The following GRIA2 variants were observed in gnomAD, a reference collection of about 807,000 sequenced individuals.
The protein encoded by GRIA2 is glutamate receptor 2.
In GRIA2, 14 loss-of-function variants were observed where a neutral mutation model predicts 97.3. The ratio of observed to expected loss-of-function variants is 0.14; its 90% CI spans 0.10 to 0.23. GRIA2 has a LOEUF of 0.23. GRIA2 is among the 10% of genes least tolerant of loss of function. GRIA2 has a pLI of 1.00. For synonymous variants in GRIA2, 412 were observed against 387.8 expected, an observed-to-expected ratio of 1.06 and a Z score of -0.73; for missense variants, 558 against 1,069.8, an observed-to-expected ratio of 0.52 and a Z score of 6.67.
intron 11 of GRIA2, 109 bp from the exon 12 acceptor site, chr4:157,341,155 A>G (rs1735529947): frequency 2.7e-6 from 2 of 754,132 alleles, no homozygotes; most frequent in East Asian, 2.6e-5. Flanking sequence ...ATTGAAAAAT[A>G]TAAAATTAAA....
chr4:157,306,830 G>A (rs961261810), intron 3 of GRIA2, among the ~76,000 whole-genome samples: 9 of 152,040 alleles, frequency 5.9e-5, no homozygotes, highest in African/African-American at 1.2e-4. Context: ...CATTTGGTCC[G>A]AAATCATTTT....
intron 2 of GRIA2, among the ~76,000 whole-genome samples, chr4:157,302,364 A>G (rs947879689): frequency 6.6e-6 from 1 of 152,128 alleles, no homozygotes; most frequent in African/African-American, 2.4e-5. Context: ...GGAGAATTGA[A>G]TGGAAGGAAT....
intron 2 of GRIA2, among the ~76,000 whole-genome samples, chr4:157,264,030 AT>A (rs1484136681): frequency 6.6e-6 from 1 of 152,096 alleles, no homozygotes; most frequent in Non-Finnish European, 1.5e-5. Flanking sequence ...AGGAATCTAA[AT>A]GGTCCCAAAT....
chr4:157,277,882 G>GTATATATGTATATATATGTATATATGTA (rs1560743395), intron 2 of GRIA2, among the ~76,000 whole-genome samples: 1 of 140,996 alleles, frequency 7.1e-6, no homozygotes, highest in Non-Finnish European at 1.5e-5. Context: ...GTATATATAT[G>GTATATATGTATATATATGTATATATGTA]TATATATGTA....
In GRIA2 at chr4:157,364,316, G is replaced by A. The variant is rs1376757144; in HGVS notation, c.*885G>A. 1.3e-5 allele frequency: 2 copies of A among 152,276 alleles called. No homozygotes were observed. The highest frequency in any genetic ancestry group is 3.9e-4 in the East Asian group (2 of 5,168). The allele number at this position is 152,276 out of a possible 1,614,324, so 9.4% of individuals were successfully genotyped here. A position where few individuals can be genotyped will look rare whatever the true frequency, so the allele number is the denominator to read the frequency against. ...CAAGTGGTCCAATTAATTTTGCTTA[G>A]CTACAGTTTGGTCATAAATCAAGTG... On this transcript the variant is annotated 3_prime_UTR_variant, in exon 16 of 16. Coordinates refer to ENST00000264426, the MANE Select transcript of GRIA2 (RefSeq NM_001083619.3).
intron 3 of GRIA2, 144 bp downstream of exon 3, chr4:157,303,935 A>G: frequency 3.9e-6 from 3 of 761,968 alleles, no homozygotes; most frequent in South Asian, 1.8e-5. Context: ...GACTAATGCA[A>G]TTTAAAACCT....
intron 1 of GRIA2, 46 bp from the exon 2 acceptor site, chr4:157,221,621 C>G: frequency 6.3e-7 from 1 of 1,596,898 alleles, no homozygotes; most frequent in Non-Finnish European, 8.6e-7. Context: ...CCTTTCCCTC[C>G]CGGGGCACTG....
intron 11 of GRIA2, among the ~76,000 whole-genome samples, chr4:157,338,513 T>C (rs1735405736): frequency 6.6e-6 from 1 of 152,016 alleles, no homozygotes; most frequent in East Asian, 1.9e-4. Flanking sequence ...ATCTGTATTA[T>C]CCCAGAGTCC....
At chr4:157,303,385 T>A (rs1352784599) in intron 2 of GRIA2, among the ~76,000 whole-genome samples, 167 bp from the exon 3 acceptor site, 1 of 152,208 alleles carries the variant, frequency 6.6e-6, no homozygotes, top group Non-Finnish European at 1.5e-5. Context: ...ACAAATAGAA[T>A]GCTAAGTAAA....
intron 2 of GRIA2, among the ~76,000 whole-genome samples, chr4:157,245,746 T>G (rs1348780625): frequency 6.6e-6 from 1 of 152,098 alleles, no homozygotes; most frequent in East Asian, 1.9e-4. Flanking sequence ...TAACTCTTCT[T>G]GTCAAGGAGT....
At chr4:157,344,814 T>A (rs1735702405) in intron 12 of GRIA2, among the ~76,000 whole-genome samples, 1 of 152,064 alleles carries the variant, frequency 6.6e-6, no homozygotes, top group Admixed American at 6.6e-5. Flanking sequence ...AGAAGTTAGG[T>A]CATTGTCTAC....
chr4:157,358,490 T>C lies in GRIA2; in HGVS notation c.2044-1406T>C, dbSNP rs562675228. ...CATTGTTTGGTAATAGATTTAACAGTGGTTTACTTAATTAGGTGAGAGAAT... is the reference window on the plus strand; with the variant it reads ...CATTGTTTGGTAATAGATTTAACAGCGGTTTACTTAATTAGGTGAGAGAAT... On this transcript the variant is annotated intron_variant, in intron 12 of 15. Coordinates refer to ENST00000264426, the MANE Select transcript of GRIA2 (RefSeq NM_001083619.3). Among the ~76,000 whole-genome samples the C allele has an allele frequency of 2.7e-3, 409 of 152,256 alleles. 1 individual carries two copies. Among genetic ancestry groups the C allele is most frequent in the African/African-American group, 9.0e-3 (376 of 41,556 alleles).
chr4:157,355,938 TATTA>T (rs1560781180), intron 12 of GRIA2, among the ~76,000 whole-genome samples: 2 of 35,960 alleles, frequency 5.6e-5, no homozygotes, highest in Non-Finnish European at 9.0e-5. Context: ...TATATTTATA[TATTA>T]ATATATATTT....
chr4:157,255,502 T>A (rs1458890480), intron 2 of GRIA2, among the ~76,000 whole-genome samples: 3 of 152,086 alleles, frequency 2.0e-5, no homozygotes, highest in Non-Finnish European at 4.4e-5. Flanking sequence ...ATAGGGGTTT[T>A]ACTAGTTTAT....
chr4:157,312,652 A>T, intron 3 of GRIA2, 27 bp from the exon 4 acceptor site: 2 of 1,328,044 alleles, frequency 1.5e-6, no homozygotes, highest in Non-Finnish European at 2.1e-6. Flanking sequence ...TATCTTTATC[A>T]GTCATCATTT....
intron 2 of GRIA2, among the ~76,000 whole-genome samples, chr4:157,272,496 C>A (rs926453338): frequency 1.3e-5 from 2 of 151,944 alleles, no homozygotes; most frequent in African/African-American, 4.8e-5. Context: ...GTTGCAGGCT[C>A]AGTGTGGATA....
At chr4:157,223,817 A>G (rs1729619698) in intron 2 of GRIA2, among the ~76,000 whole-genome samples, 1 of 152,248 alleles carries the variant, frequency 6.6e-6, no homozygotes, top group Non-Finnish European at 1.5e-5. Context: ...ACTTTCTGCA[A>G]AAATAACATA....
intron 2 of GRIA2, among the ~76,000 whole-genome samples, chr4:157,253,155 C>T (rs1288297279): frequency 6.7e-6 from 1 of 149,624 alleles, no homozygotes; most frequent in African/African-American, 2.5e-5. Flanking sequence ...CTTGCTGTGT[C>T]GCCCAGGCTG....
In GRIA2 at chr4:157,297,921, T is replaced by A. The variant is rs57140974; in HGVS notation, c.230-5631T>A. On this transcript the variant is annotated intron_variant, in intron 2 of 15. Coordinates refer to ENST00000264426, the MANE Select transcript of GRIA2 (RefSeq NM_001083619.3). ...TTGAAAAATTAATATATATTTACAG[T>A]ATATATTTTTATCAGTAAATAAAGG... 5.7e-3 allele frequency among the ~76,000 whole-genome samples: 867 copies of A among 152,044 alleles called. 58 individuals are homozygous for A. The East Asian group carries it at 0.14, about 25-fold the overall frequency.
Sources: gnomAD v4.1 joint callset for allele counts (sites outside exome capture counted in the v4.1 genomes callset) on GRCh38, gnomAD v4.1.1 for gene constraint, MANE v1.5 for transcripts, NCBI Gene and HGNC (gene_info 2026-07-23, HGNC 2026-07-21) for gene names.